Variants in PCDH11X observed in about 807,000 individuals in gnomAD.
PCDH11X encodes protocadherin-11 X-linked.
Under a neutral mutation model 53.3 loss-of-function variants are expected in PCDH11X, and 18 were observed. The observed-to-expected ratio is 0.34, with a 90% CI of 0.23 to 0.50. The LOEUF is 0.50. PCDH11X is among the 20% of genes least tolerant of loss of function. The pLI, the probability that PCDH11X is intolerant of heterozygous loss-of-function variation, is 0.98. For synonymous variants in PCDH11X, 279 were observed against 393.3 expected, an observed-to-expected ratio of 0.71 and a Z score of 3.44; for missense variants, 570 against 1,032.4, an observed-to-expected ratio of 0.55 and a Z score of 6.14.
chrX:92,310,492 G>A lies in PCDH11X; in HGVS notation c.3144+47349G>A, dbSNP rs371730592. On this transcript the variant is annotated intron_variant, in intron 8 of 10. Transcript: ENST00000682573. ...CAACCTCAGCCTCCCAGGTTCAATT[G>A]ATTCTCCTGCCTTATCCTCCTAAGT... 6.3e-5 allele frequency among the ~76,000 whole-genome samples: 7 copies of A among 111,114 alleles called. No individual in the cohort carries two copies. In the East Asian group the frequency reaches 1.7e-3, roughly 27 times the overall value.
In PCDH11X at chrX:92,618,169, G is replaced by A. The variant is rs752134490; in HGVS notation, c.3368-95G>A. 113 of 1,090,110 alleles carry A rather than the reference G, an allele frequency of 1.0e-4. No individual in the cohort carries two copies. In the East Asian group the frequency reaches 3.4e-3, roughly 33 times the overall value. The allele number at this position is 1,090,110 out of a possible 1,213,427, so 89.8% of individuals were successfully genotyped here. A position where few individuals can be genotyped will look rare whatever the true frequency, so the allele number is the denominator to read the frequency against. ...GAAGTCTTTAATGCATTTGTATATA[G>A]GTTGTTACCTTTTTTGTCACAATGA... On this transcript the variant is annotated intron_variant, in intron 10 of 10. Transcript: ENST00000682573.
chrX:92,014,362 A>G (rs1451220016), intron 6 of PCDH11X, among the ~76,000 whole-genome samples: 1 of 110,930 alleles, frequency 9.0e-6, no homozygotes, highest in East Asian at 2.8e-4. Context: ...TTAGAATGGC[A>G]ATCATTAAAA....
chrX:92,452,463 GTATATATA>G (rs763381982), intron 9 of PCDH11X, among the ~76,000 whole-genome samples: 1,081 of 44,684 alleles, frequency 0.024, 53 homozygotes, highest in Admixed American at 0.13. Flanking sequence ...GTGTGTGTGT[GTATATATA>G]TATATATATA....
intron 10 of PCDH11X, among the ~76,000 whole-genome samples, chrX:92,495,706 C>T (rs748112025): frequency 9.3e-6 from 1 of 107,742 alleles, no homozygotes; most frequent in East Asian, 2.9e-4. Flanking sequence ...TTTCACATGG[C>T]TGAGGAGGCC....
intron 5 of PCDH11X, among the ~76,000 whole-genome samples, chrX:91,851,071 G>GT (rs923184690): frequency 1.8e-5 from 2 of 108,141 alleles, no homozygotes; most frequent in Non-Finnish European, 3.8e-5. Context: ...ATCCTATTGT[G>GT]TTTTTTTTCT....
chrX:92,360,894 G>A (rs868618855), intron 8 of PCDH11X, among the ~76,000 whole-genome samples: 1 of 108,240 alleles, frequency 9.2e-6, no homozygotes, highest in African/African-American at 3.3e-5. Context: ...AATGGCCTGT[G>A]TTGGGCCACT....
intron 6 of PCDH11X, among the ~76,000 whole-genome samples, chrX:91,912,430 G>A (rs1941400614): frequency 9.0e-6 from 1 of 110,904 alleles, no homozygotes; most frequent in Admixed American, 9.7e-5. Flanking sequence ...TTATTATGTT[G>A]AGGTATATTT....
intron 7 of PCDH11X, 78 bp from the exon 8 acceptor site, chrX:92,263,036 A>G (rs2067752391): frequency 8.2e-6 from 9 of 1,103,552 alleles, no homozygotes; most frequent in Non-Finnish European, 9.5e-6. Flanking sequence ...ATGTATTTGC[A>G]GTAACCAAAT....
chrX:91,861,221 C>T (rs1938654037), intron 5 of PCDH11X, among the ~76,000 whole-genome samples: 1 of 111,562 alleles, frequency 9.0e-6, no homozygotes, highest in African/African-American at 3.3e-5. Context: ...TGTATATTTC[C>T]AGGAATTTAT....
chrX:92,097,860 A>G (rs1467650166), intron 6 of PCDH11X, among the ~76,000 whole-genome samples: 1 of 111,096 alleles, frequency 9.0e-6, no homozygotes, highest in African/African-American at 3.3e-5. Flanking sequence ...CTTCTCCTGT[A>G]TATTTTAAAT....
chrX:92,332,151 C>A (rs2069505632), intron 8 of PCDH11X, among the ~76,000 whole-genome samples: 1 of 112,157 alleles, frequency 8.9e-6, no homozygotes, highest in Admixed American at 9.5e-5. Flanking sequence ...TCTGCTGATA[C>A]TTAAGTGCTA....
In PCDH11X at chrX:92,445,873, G is replaced by A. The variant is rs144014033; in HGVS notation, c.3344-22426G>A. Among the ~76,000 whole-genome samples the A allele has an allele frequency of 3.4e-3, 380 of 111,181 alleles. 2 individuals are homozygous for A. The highest frequency in any genetic ancestry group is 0.012 in the African/African-American group (367 of 30,669). On this transcript the variant is annotated intron_variant, in intron 9 of 10. Coordinates refer to ENST00000682573, the MANE Select transcript of PCDH11X (RefSeq NM_032968.5). ...GATTAAGAGTAGAATTTTCAGCAGT[G>A]TCACAAATAACTAAAATTCAGATTT...
chrX:92,612,113 T>A (rs1927458558), intron 10 of PCDH11X, among the ~76,000 whole-genome samples: 1 of 110,999 alleles, frequency 9.0e-6, no homozygotes, highest in South Asian at 3.8e-4. Flanking sequence ...ATAGAAGGAG[T>A]TAGAGAGGAG....
At chrX:92,285,922 G>A (rs1445756882) in intron 8 of PCDH11X, among the ~76,000 whole-genome samples, 2 of 112,146 alleles carry the variant, frequency 1.8e-5, no homozygotes, top group Non-Finnish European at 1.9e-5. Context: ...GGGATGGGCC[G>A]AAACAAAGGA....
intron 10 of PCDH11X, among the ~76,000 whole-genome samples, chrX:92,531,576 A>G (rs2074555802): frequency 9.5e-6 from 1 of 105,400 alleles, no homozygotes; most frequent in Non-Finnish European, 2.0e-5. Context: ...TTTTTAATGA[A>G]TATATTAAAT....
At chrX:92,413,938 A>C in intron 9 of PCDH11X, among the ~76,000 whole-genome samples, 1 of 106,895 alleles carries the variant, frequency 9.4e-6, no homozygotes, top group Non-Finnish European at 1.9e-5. Flanking sequence ...TTAAAAGATG[A>C]AGTAGAGGAC....
chrX:92,254,675 T>G (rs1367476339), intron 7 of PCDH11X, among the ~76,000 whole-genome samples: 2 of 108,429 alleles, frequency 1.8e-5, no homozygotes, highest in Non-Finnish European at 3.8e-5. Context: ...GTCTGTAAAG[T>G]ATTTTATTTC....
chrX:92,484,707 A>G (rs2073605813), intron 10 of PCDH11X, among the ~76,000 whole-genome samples: 1 of 110,840 alleles, frequency 9.0e-6, no homozygotes, highest in Admixed American at 9.7e-5. Flanking sequence ...TAAGAATGAT[A>G]CAATGGACTT....
At chrX:92,172,441 G>A (rs2065839409) in intron 6 of PCDH11X, among the ~76,000 whole-genome samples, 1 of 109,859 alleles carries the variant, frequency 9.1e-6, no homozygotes, top group Admixed American at 9.9e-5. Flanking sequence ...CCAGGCTGGA[G>A]TGCAGTGGCA....
Sources: allele counts gnomAD v4.1 joint callset (sites outside exome capture counted in the v4.1 genomes callset), GRCh38; gene constraint gnomAD v4.1.1; transcripts MANE v1.5; gene names NCBI Gene and HGNC (gene_info 2026-07-23, HGNC 2026-07-21).